DRC8: variants seen among roughly 807,000 people sequenced by gnomAD.
DRC8 encodes dynein regulatory complex subunit 8.
chr1:244,975,675 A>G, the DRC8 span, among the ~76,000 whole-genome samples: 26 of 152,092 alleles, frequency 1.7e-4, no homozygotes, highest in Non-Finnish European at 2.9e-5. Flanking sequence ...CCTGGCCAAC[A>G]TGGTGAAACC....
At chr1:245,086,092 A>G in the DRC8 span, among the ~76,000 whole-genome samples, 1 of 152,270 alleles carries the variant, frequency 6.6e-6, no homozygotes, top group South Asian at 2.1e-4. Flanking sequence ...GTATGTTTAC[A>G]GAGAGTTCAT....
the DRC8 span, among the ~76,000 whole-genome samples, chr1:245,063,324 G>A: frequency 1.1e-4 from 16 of 152,284 alleles, no homozygotes; most frequent in South Asian, 2.1e-4. Flanking sequence ...GCCTGAAGTC[G>A]ATGAATTCTT....
At chr1:245,113,390 A>G in the DRC8 span, among the ~76,000 whole-genome samples, 2 of 152,188 alleles carry the variant, frequency 1.3e-5, no homozygotes, top group Admixed American at 1.3e-4. Context: ...TAGAGCACAG[A>G]CTATATCGTC....
the DRC8 span, among the ~76,000 whole-genome samples, chr1:245,078,969 GA>G: frequency 1.3e-5 from 2 of 151,912 alleles, no homozygotes; most frequent in Non-Finnish European, 2.9e-5. Context: ...AGTAAGACTG[GA>G]AAAAAATAGA....
At chr1:245,042,071 C>T in the DRC8 span, among the ~76,000 whole-genome samples, 3 of 152,146 alleles carry the variant, frequency 2.0e-5, no homozygotes, top group African/African-American at 4.8e-5. Flanking sequence ...ACCTAAAATT[C>T]GCTTAGATTT....
chr1:245,057,088 A>T, the DRC8 span, among the ~76,000 whole-genome samples: 1 of 152,224 alleles, frequency 6.6e-6, no homozygotes, highest in African/African-American at 2.4e-5. Flanking sequence ...TGGTGTAGTT[A>T]CAGCTCGAAG....
chr1:244,987,122 A>G, the DRC8 span, among the ~76,000 whole-genome samples: 88,634 of 151,970 alleles, frequency 0.58, 26,575 homozygotes, highest in East Asian at 0.75. Flanking sequence ...TTTATAGTAG[A>G]TGGTAGCTGA....
the DRC8 span, among the ~76,000 whole-genome samples, chr1:245,103,593 G>C: frequency 1.3e-5 from 1 of 74,706 alleles, no homozygotes; most frequent in African/African-American, 6.5e-5. Context: ...CCTCCACCCT[G>C]TGAGGCTGAG....
the DRC8 span, among the ~76,000 whole-genome samples, chr1:245,042,455 G>T: frequency 0.035 from 5,254 of 152,254 alleles, 325 homozygotes; most frequent in African/African-American, 0.12. Context: ...CTCTGCTGAA[G>T]AAAGAGATTT....
the DRC8 span, among the ~76,000 whole-genome samples, chr1:244,992,376 G>A: frequency 6.6e-6 from 1 of 152,186 alleles, no homozygotes; most frequent in African/African-American, 2.4e-5. Context: ...CAGTGAGAGA[G>A]GGAAAGGGAA....
the DRC8 span, chr1:244,970,825 TGCGCCGGAG>T: frequency 1.2e-5 from 4 of 323,508 alleles, no homozygotes; most frequent in Non-Finnish European, 2.3e-5. Context: ...CTGCGCGGGC[TGCGCCGGAG>T]GCGCCGGCAG....
the DRC8 span, among the ~76,000 whole-genome samples, chr1:245,086,465 T>A: frequency 6.6e-6 from 1 of 152,188 alleles, no homozygotes; most frequent in African/African-American, 2.4e-5. Context: ...ATCCACAAAG[T>A]ATCAAACACA....
chr1:244,980,777 T>C, the DRC8 span, among the ~76,000 whole-genome samples: 2 of 152,314 alleles, frequency 1.3e-5, no homozygotes, highest in East Asian at 3.9e-4. Context: ...TACCTAAATA[T>C]CTGTTGAATG....
chr1:245,093,763 A>C, the DRC8 span, among the ~76,000 whole-genome samples: 1 of 152,252 alleles, frequency 6.6e-6, no homozygotes, highest in East Asian at 1.9e-4. Flanking sequence ...ATTGAGGCCA[A>C]ACCTAGTTCT....
the DRC8 span, chr1:245,123,508 C>T: frequency 9.0e-5 from 14 of 155,640 alleles, no homozygotes; most frequent in Non-Finnish European, 2.0e-4. The surrounding 1 kb of genome is among the most constrained non-coding windows in gnomAD (Gnocchi z 5.0). Flanking sequence ...AGGCACAGCT[C>T]ACCAAGACAC....
the DRC8 span, among the ~76,000 whole-genome samples, chr1:245,097,065 A>G: frequency 1.3e-5 from 2 of 152,240 alleles, no homozygotes; most frequent in African/African-American, 4.8e-5. This position sits in a 1 kb window ranked among gnomAD's most constrained non-coding sequence, Gnocchi z 5.0. Context: ...CTTCAATTAT[A>G]TAACGAGGTT....
chr1:245,096,878 T>C, the DRC8 span, among the ~76,000 whole-genome samples: 1 of 152,156 alleles, frequency 6.6e-6, no homozygotes, highest in Non-Finnish European at 1.5e-5. Flanking sequence ...ACGTGATGTG[T>C]CTGTCCTCTG....
the DRC8 span, among the ~76,000 whole-genome samples, chr1:244,973,196 A>G: frequency 6.7e-6 from 1 of 148,714 alleles, no homozygotes; most frequent in African/African-American, 2.5e-5. Flanking sequence ...GATTTTGCCA[A>G]TATACTAATA....
the DRC8 span, among the ~76,000 whole-genome samples, chr1:245,054,147 T>A: frequency 9.2e-3 from 1,405 of 152,174 alleles, 20 homozygotes; most frequent in African/African-American, 0.031. Context: ...TTACTTCTGT[T>A]TGTTTTTTGG....
Sources: allele counts gnomAD v4.1 joint callset (sites outside exome capture counted in the v4.1 genomes callset), GRCh38; gene constraint gnomAD v4.1.1; non-coding constraint Gnocchi (gnomAD v3.1); transcripts MANE v1.5; gene names NCBI Gene and HGNC (gene_info 2026-07-23, HGNC 2026-07-21).